RYR2: variants seen among roughly 807,000 people sequenced by gnomAD.
RYR2 encodes cardiac muscle ryanodine receptor-calcium release channel.
Under a neutral mutation model 601.1 loss-of-function variants are expected in RYR2, and 227 were observed. The observed-to-expected ratio is 0.38, with a 90% CI of 0.34 to 0.42. The LOEUF (loss-of-function observed/expected upper bound fraction) is 0.42. Ranked by LOEUF, RYR2 falls within the 10% of genes least tolerant of loss-of-function variation. RYR2 has a pLI of 1.00. For missense variants in RYR2, 4,646 were observed against 6,156.5 expected, an observed-to-expected ratio of 0.75 and a Z score of 8.21; for synonymous variants, 2,223 against 2,175.1, an observed-to-expected ratio of 1.02 and a Z score of -0.61.
intron 1 of RYR2, among the ~76,000 whole-genome samples, chr1:237,163,853 A>T (rs111658123): frequency 0.13 from 19,121 of 152,268 alleles, 1,369 homozygotes; most frequent in African/African-American, 0.19. Context: ...GAGCTAAGGG[A>T]CCGCCAAGGC....
chr1:237,763,029 A>G (rs998926459), intron 84 of RYR2, among the ~76,000 whole-genome samples: 3 of 152,146 alleles, frequency 2.0e-5, no homozygotes, highest in Admixed American at 6.5e-5. Flanking sequence ...GACTGTTTTA[A>G]CAAGTAGATT....
chr1:237,354,340 A>AGTGTGT (rs143781995), intron 3 of RYR2, among the ~76,000 whole-genome samples: 1 of 149,392 alleles, frequency 6.7e-6, no homozygotes, highest in Non-Finnish European at 1.5e-5. Flanking sequence ...CACTGATGGG[A>AGTGTGT]GTGTGTGTGT....
chr1:237,487,770 A>G (rs924255656), intron 17 of RYR2, among the ~76,000 whole-genome samples: 1 of 150,988 alleles, frequency 6.6e-6, no homozygotes, highest in African/African-American at 2.4e-5. Flanking sequence ...GTTATTCTTG[A>G]GGTATTGGCC....
intron 12 of RYR2, among the ~76,000 whole-genome samples, chr1:237,428,672 TG>T (rs2150085470): frequency 6.6e-6 from 1 of 150,894 alleles, no homozygotes; most frequent in South Asian, 2.1e-4. Flanking sequence ...ACCTAGATGA[TG>T]GGTTGATAGG....
At position 237,566,781 on chromosome 1, in the gene RYR2, T is replaced by C; in HGVS notation, c.3423+6T>C. 1 of 1,613,840 alleles carries C rather than the reference T, an allele frequency of 6.2e-7. No homozygotes were observed. Among genetic ancestry groups the C allele is most frequent in the South Asian group, 1.1e-5 (1 of 91,080 alleles). ...TTGCCTTTGATGGCTTCAAGGTGAG[T>C]GGACTTTGTCCTGTGCCAGTCATCT... On this transcript the variant is annotated splice_donor_region_variant and intron_variant, in intron 28 of 104. Coordinates refer to ENST00000366574, the MANE Select transcript of RYR2 (RefSeq NM_001035.3).
chr1:237,215,897 A>G (rs1260672199), intron 1 of RYR2, among the ~76,000 whole-genome samples: 1 of 152,178 alleles, frequency 6.6e-6, no homozygotes, highest in Non-Finnish European at 1.5e-5. Flanking sequence ...ATTTTTTACT[A>G]CATTCTAGTA....
chr1:237,326,419 A>T (rs1696179687), intron 2 of RYR2, among the ~76,000 whole-genome samples: 1 of 152,212 alleles, frequency 6.6e-6, no homozygotes, highest in South Asian at 2.1e-4. Context: ...TGCTTTAGGC[A>T]CTATTCTGGG....
chr1:237,045,142 A>G (rs900963925), intron 1 of RYR2, among the ~76,000 whole-genome samples: 6 of 152,110 alleles, frequency 3.9e-5, no homozygotes, highest in African/African-American at 1.4e-4. Context: ...TCCTGATTAG[A>G]ACATCTGGAT....
chr1:237,539,917 A>AT (rs5781966), intron 25 of RYR2, among the ~76,000 whole-genome samples: 52,685 of 151,680 alleles, frequency 0.35, 9,661 homozygotes, highest in East Asian at 0.48. Flanking sequence ...CTTAGAAATA[A>AT]TTTTTTTTAA....
chr1:237,581,344 A>G (rs79901985), intron 29 of RYR2, among the ~76,000 whole-genome samples: 3,228 of 152,226 alleles, frequency 0.021, 59 homozygotes, highest in Middle Eastern at 0.068. Flanking sequence ...TTGAGTCTGT[A>G]TTTGCCACCT....
intron 58 of RYR2, 80 bp downstream of exon 58, chr1:237,668,038 C>A: frequency 9.3e-7 from 1 of 1,072,734 alleles, no homozygotes; most frequent in Non-Finnish European, 1.3e-6. Context: ...GTCTTCAGCA[C>A]AACAGCTTAT....
At chr1:237,151,410 C>T (rs1464515258) in intron 1 of RYR2, among the ~76,000 whole-genome samples, 1 of 152,244 alleles carries the variant, frequency 6.6e-6, no homozygotes, top group Non-Finnish European at 1.5e-5. Context: ...ATAAGACACC[C>T]CTCAACATGT....
At chr1:237,452,251 A>G (rs1004921022) in intron 14 of RYR2, among the ~76,000 whole-genome samples, 1 of 144,234 alleles carries the variant, frequency 6.9e-6, no homozygotes, top group Non-Finnish European at 1.5e-5. Flanking sequence ...TATAATGTAT[A>G]GTATAGTATA....
intron 24 of RYR2, among the ~76,000 whole-genome samples, chr1:237,525,981 A>AT (rs199845222): frequency 0.055 from 6,421 of 116,350 alleles, 200 homozygotes; most frequent in Middle Eastern, 0.17. Flanking sequence ...ACTCCTCAAA[A>AT]AAAAAAAATA....
At chr1:237,790,412 A>G (rs947229727) in intron 92 of RYR2, among the ~76,000 whole-genome samples, 6 of 152,108 alleles carry the variant, frequency 3.9e-5, no homozygotes, top group Non-Finnish European at 5.9e-5. Context: ...GACGTCTTGT[A>G]CTAACTTTCT....
chr1:237,795,626 T>C (rs945060690), intron 96 of RYR2, among the ~76,000 whole-genome samples: 2 of 16,866 alleles, frequency 1.2e-4, no homozygotes, highest in Non-Finnish European at 2.7e-4. Context: ...AATTTTTGTA[T>C]TTTTAGTCGA....
intron 33 of RYR2, among the ~76,000 whole-genome samples, chr1:237,594,886 G>GTTTTTTTTGTTTTGTTTTTTTTTTTTTTT (rs1675642723): frequency 1.7e-5 from 1 of 60,418 alleles, no homozygotes; most frequent in Non-Finnish European, 2.6e-5. Flanking sequence ...ATATCACTGG[G>GTTTTTTTTGTTTTGTTTTTTTTTTTTTTT]TTTTTTTTTT....
At chr1:237,329,851 G>A (rs186710702) in intron 2 of RYR2, among the ~76,000 whole-genome samples, 3 of 151,766 alleles carry the variant, frequency 2.0e-5, no homozygotes, top group Admixed American at 1.3e-4. Flanking sequence ...TTGAGATAGC[G>A]GTTTAAGAGA....
intron 80 of RYR2, among the ~76,000 whole-genome samples, chr1:237,747,736 G>A (rs1692201248): frequency 6.6e-6 from 1 of 152,100 alleles, no homozygotes; most frequent in Non-Finnish European, 1.5e-5. Context: ...AAATTAAAAA[G>A]TCTTCCTGAA....
Sources: gnomAD v4.1 joint callset for allele counts (sites outside exome capture counted in the v4.1 genomes callset) on GRCh38, gnomAD v4.1.1 for gene constraint, MANE v1.5 for transcripts, NCBI Gene and HGNC (gene_info 2026-07-23, HGNC 2026-07-21) for gene names.